GSE1: variants seen among roughly 807,000 people sequenced by gnomAD.
The protein encoded by GSE1 is genetic suppressor element 1.
Under a neutral mutation model 112.6 loss-of-function variants are expected in GSE1, and 32 were observed. That is an observed-to-expected ratio of 0.28 (90% CI 0.21 to 0.38). The LOEUF is 0.38. Among genes scored for constraint, GSE1 ranks in the 10% least tolerant of loss-of-function variants. The pLI, the probability that GSE1 is intolerant of heterozygous loss-of-function variation, is 1.00. For synonymous variants in GSE1, 1,115 were observed against 735.6 expected (o/e 1.52, Z -8.35); for missense variants, 2,348 against 1,699.2 (o/e 1.38, Z -6.71).
In GSE1 at chr16:85,671,003, C is replaced by G. The variant is rs776714989; in HGVS notation, c.3424C>G (p.Leu1142Val). The G allele has an allele frequency of 1.7e-5, 27 of 1,606,638 alleles. No individual in the cohort carries two copies. The highest frequency in any genetic ancestry group is 2.2e-5 in the Non-Finnish European group (26 of 1,173,542). ...AYQEHIEEQN[L>V]ERQVLQTQCR... The stretch of plus-strand genomic sequence containing the variant: ...ATCTCCTGTCTTTTCAGAGCAAAAT[C>G]TGGAGCGGCAGGTGTTACAGACACA... The change falls in exon 15 of 16, where the codon CTG becomes GTG. Residue 1142 changes from leucine to valine, a missense_variant. Transcript: ENST00000253458.
intron 2 of GSE1, among the ~76,000 whole-genome samples, chr16:85,408,716 G>C (rs1458115108): frequency 7.3e-5 from 4 of 54,454 alleles, no homozygotes; most frequent in East Asian, 7.0e-4. Flanking sequence ...TACACTCAGG[G>C]CACCTGGATA....
rs151263825 is a variant in GSE1 at position 85,425,092 on chromosome 16, G to A, written c.2464+67449G>A. ...GGGCCACTCACCCAGGACTCCGGTC[G>A]GCCCTCCCTGGGCGCCCTGGGGCGG... On this transcript the variant is annotated intron_variant, in intron 2 of 2. Transcript: ENST00000637419. Among the ~76,000 whole-genome samples the A allele has an allele frequency of 5.6e-3, 860 of 152,324 alleles. 7 individuals are homozygous for A. The highest frequency in any genetic ancestry group is 8.9e-3 in the Non-Finnish European group (606 of 68,024).
At chr16:85,412,960 G>A (rs372894894) in intron 2 of GSE1, among the ~76,000 whole-genome samples, 23 of 152,290 alleles carry the variant, frequency 1.5e-4, no homozygotes, top group South Asian at 6.2e-4. Flanking sequence ...TGAAGCCATC[G>A]GCCCGGGTGC....
intron 2 of GSE1, among the ~76,000 whole-genome samples, chr16:85,488,542 G>A (rs527917192): frequency 6.6e-6 from 1 of 151,820 alleles, no homozygotes; most frequent in South Asian, 2.1e-4. Flanking sequence ...GAACTGACTG[G>A]TTACGAAATG....
intron 14 of GSE1, among the ~76,000 whole-genome samples, chr16:85,669,585 A>G (rs2053161825): frequency 6.6e-6 from 1 of 152,136 alleles, no homozygotes; most frequent in Non-Finnish European, 1.5e-5. Context: ...ACTCGTATAT[A>G]TCCAGAAGCA....
intron 2 of GSE1, among the ~76,000 whole-genome samples, chr16:85,459,461 G>A (rs60906558): frequency 0.032 from 4,854 of 152,256 alleles, 261 homozygotes; most frequent in African/African-American, 0.11. Flanking sequence ...ACTATACTTG[G>A]CAGCCCTTTT....
intron 14 of GSE1, 81 bp from the exon 15 acceptor site, chr16:85,670,914 C>A: frequency 1.2e-6 from 1 of 851,054 alleles, no homozygotes; most frequent in Non-Finnish European, 2.0e-6. Flanking sequence ...CTCTGCTGGG[C>A]AGGGTGTGAA....
In GSE1 at chr16:85,676,167, GACA is replaced by G. The variant is rs1429948053; in HGVS notation, c.*3632_*3634del. On this transcript the variant is annotated 3_prime_UTR_variant, in exon 16 of 16. Coordinates refer to ENST00000253458, the MANE Select transcript of GSE1 (RefSeq NM_014615.5). ...TTATGAATATATTGCTGTAATTTCT[GACA>G]ACATCCAAAAAATAAAATCTTCCTA... 18 of 152,694 alleles carry G rather than the reference GACA, an allele frequency of 1.2e-4. No individual in the cohort carries two copies. The South Asian group carries it at 3.1e-3, about 26-fold the overall frequency. 9.5% of individuals were successfully genotyped at this position (152,694 alleles called of 1,614,324 possible).
intron 2 of GSE1, among the ~76,000 whole-genome samples, chr16:85,536,400 G>A (rs1250538313): frequency 1.3e-5 from 2 of 152,218 alleles, no homozygotes; most frequent in East Asian, 1.9e-4. Flanking sequence ...CAGGACGGTC[G>A]GCCAAGCAGC....
intron 1 of GSE1, among the ~76,000 whole-genome samples, chr16:85,276,547 G>T (rs1031722891): frequency 6.6e-6 from 1 of 152,256 alleles, no homozygotes; most frequent in Non-Finnish European, 1.5e-5. Flanking sequence ...CAGGGCCTCA[G>T]GGAGCAATAT....
chr16:85,201,258 A>T (rs2075023223), intron 1 of GSE1, among the ~76,000 whole-genome samples: 1 of 151,472 alleles, frequency 6.6e-6, no homozygotes, highest in Non-Finnish European at 1.5e-5. Flanking sequence ...TGTTTTAGAG[A>T]CAGGGCCTCC....
At chr16:85,191,767 G>T (rs4627330) in intron 1 of GSE1, among the ~76,000 whole-genome samples, 1 of 152,190 alleles carries the variant, frequency 6.6e-6, no homozygotes, top group African/African-American at 2.4e-5. Flanking sequence ...CCCCGGGTGA[G>T]AAGGGCCGCT....
intron 1 of GSE1, among the ~76,000 whole-genome samples, chr16:85,308,670 A>G (rs904690615): frequency 3.9e-5 from 6 of 151,986 alleles, no homozygotes; most frequent in Non-Finnish European, 8.8e-5. Context: ...AAGAACATAT[A>G]TTTTTAAAAC....
intron 2 of GSE1, among the ~76,000 whole-genome samples, chr16:85,365,929 G>A (rs1054250533): frequency 2.6e-5 from 4 of 152,224 alleles, no homozygotes; most frequent in Admixed American, 2.6e-4. Flanking sequence ...GTGTCAAACG[G>A]GGATGACGGG....
chr16:85,407,972 T>TG (rs1421810248), intron 2 of GSE1, among the ~76,000 whole-genome samples: 1 of 42,772 alleles, frequency 2.3e-5, no homozygotes, highest in African/African-American at 8.6e-5. Context: ...AGGGTCCCTC[T>TG]GATAATCCTC....
intron 2 of GSE1, among the ~76,000 whole-genome samples, chr16:85,541,535 C>T (rs933251954): frequency 6.6e-5 from 10 of 152,252 alleles, no homozygotes; most frequent in East Asian, 1.9e-4. Flanking sequence ...CACTGTCCCC[C>T]ACTTCTTGCC....
rs144538859 is a variant in GSE1 at position 85,619,525 on chromosome 16, A to T, written c.7+6127A>T. Among the ~76,000 whole-genome samples, 918 of 152,344 alleles carry T rather than the reference A, an allele frequency of 6.0e-3. 11 individuals carry two copies. Among genetic ancestry groups the T allele is most frequent in the African/African-American group, 0.021 (869 of 41,574 alleles). The stretch of plus-strand genomic sequence containing the variant: ...CCGGGGGTGCCAAGCGATGCCCCAC[A>T]GCCCCAGACGGGCCTGGAGGGACGG... On this transcript the variant is annotated intron_variant, in intron 1 of 15. Coordinates refer to ENST00000253458, the MANE Select transcript of GSE1 (RefSeq NM_014615.5).
chr16:85,253,825 G>A (rs1906777336), intron 1 of GSE1, among the ~76,000 whole-genome samples: 1 of 152,096 alleles, frequency 6.6e-6, no homozygotes, highest in South Asian at 2.1e-4. Context: ...TGAGAACTGT[G>A]TGTGCAAAGG....
chr16:85,654,367 C>T lies in GSE1; in HGVS notation c.516C>T (p.Ile172=). ...AGGAGAAGGCAGGGGGACCAGCCATCCCCTCGCACCTGCTCAGCACCCCCT... is the reference window on the plus strand; with the variant it reads ...AGGAGAAGGCAGGGGGACCAGCCATTCCCTCGCACCTGCTCAGCACCCCCT... ...LPQEKAGGPA[I]PSHLLSTPYP... Residue 172 remains isoleucine, a synonymous_variant, in exon 4 of 16, where the codon ATC becomes ATT. Coordinates refer to ENST00000253458, the MANE Select transcript of GSE1 (RefSeq NM_014615.5). The T allele has an allele frequency of 1.2e-6, 2 of 1,612,028 alleles. No individual in the cohort carries two copies. The highest frequency in any genetic ancestry group is 1.1e-5 in the South Asian group (1 of 91,058).
Sources: gnomAD v4.1 joint callset for allele counts (sites outside exome capture counted in the v4.1 genomes callset) on GRCh38, gnomAD v4.1.1 for gene constraint, MANE v1.5 for transcripts, NCBI Gene and HGNC (gene_info 2026-07-23, HGNC 2026-07-21) for gene names.